Variants in TFDP2 observed in about 807,000 individuals in gnomAD.
TFDP2 encodes transcription factor Dp-2, also known as transcription factor Dp-2 (E2F dimerization partner 2).
A neutral mutation model predicts 59.3 loss-of-function variants in TFDP2; 17 were observed. That is an observed-to-expected ratio of 0.29 (90% CI 0.20 to 0.43). The LOEUF is 0.43. Among genes scored for constraint, TFDP2 ranks in the 20% least tolerant of loss-of-function variants. The pLI is 1.00. For synonymous variants in TFDP2, 180 were observed against 194.7 expected, an observed-to-expected ratio of 0.92 and a Z score of 0.63; for missense variants, 391 against 528.8, an observed-to-expected ratio of 0.74 and a Z score of 2.56.
intron 2 of TFDP2, among the ~76,000 whole-genome samples, chr3:142,095,851 C>T (rs970479090): frequency 6.6e-6 from 1 of 152,178 alleles, no homozygotes; most frequent in African/African-American, 2.4e-5. Context: ...AAGGCAAAGA[C>T]AGCCTTTAAT....
intron 1 of TFDP2, among the ~76,000 whole-genome samples, chr3:142,135,887 T>C (rs536927710): frequency 2.6e-5 from 4 of 152,162 alleles, no homozygotes; most frequent in South Asian, 2.1e-4. Flanking sequence ...GTCTTTATAG[T>C]AGCATGATTT....
At chr3:142,102,572 T>C (rs1178775701) in intron 1 of TFDP2, among the ~76,000 whole-genome samples, 4 of 152,310 alleles carry the variant, frequency 2.6e-5, no homozygotes, top group African/African-American at 9.6e-5. Context: ...ACAGTAAAAC[T>C]AGTCAGTGAA....
In TFDP2 at chr3:142,121,441, T is replaced by C. The variant is rs2108696717; in HGVS notation, c.-92-19600A>G. 6.6e-6 allele frequency among the ~76,000 whole-genome samples: 1 copy of C among 152,312 alleles called. No homozygotes were observed. Among genetic ancestry groups the C allele is most frequent in the East Asian group, 1.9e-4 (1 of 5,188 alleles). ...TTCAGCTAAAGGGTGGGAATCAGGT[T>C]CTAACTCGAGTTAAATTAGTAATAG... On this transcript the variant is annotated intron_variant, in intron 1 of 12. Coordinates refer to ENST00000489671, the MANE Select transcript of TFDP2 (RefSeq NM_001178139.2). The surrounding 1 kb of genome is among the most constrained non-coding windows in gnomAD (Gnocchi z 4.3).
chr3:141,971,657 C>T (rs1002170204), intron 8 of TFDP2, among the ~76,000 whole-genome samples: 1 of 152,114 alleles, frequency 6.6e-6, no homozygotes, highest in Non-Finnish European at 1.5e-5. Flanking sequence ...GAAATGCCAC[C>T]AGGCCAAAAC....
At chr3:141,979,050 T>C (rs1281045907) in intron 6 of TFDP2, among the ~76,000 whole-genome samples, 5 of 152,214 alleles carry the variant, frequency 3.3e-5, no homozygotes, top group African/African-American at 1.2e-4. Flanking sequence ...ATTATAGTTT[T>C]TTACTGAAAT....
intron 1 of TFDP2, among the ~76,000 whole-genome samples, chr3:142,141,565 T>C (rs2062965846): frequency 6.6e-6 from 1 of 152,108 alleles, no homozygotes; most frequent in Non-Finnish European, 1.5e-5. Context: ...TGGGTTAAGT[T>C]TGTAATCCAG....
chr3:141,966,302 A>G (rs1938053838), intron 9 of TFDP2, among the ~76,000 whole-genome samples: 1 of 151,744 alleles, frequency 6.6e-6, no homozygotes, highest in Non-Finnish European at 1.5e-5. Flanking sequence ...CCTCCCGAGT[A>G]GCCGGGACTA....
At chr3:141,995,893 A>G (rs893937895) in intron 4 of TFDP2, among the ~76,000 whole-genome samples, 1 of 149,840 alleles carries the variant, frequency 6.7e-6, no homozygotes, top group Admixed American at 6.6e-5. Flanking sequence ...CAAAAAAAAA[A>G]AAAAAAAAAA....
intron 11 of TFDP2, among the ~76,000 whole-genome samples, chr3:141,958,907 T>C (rs927770246): frequency 6.6e-6 from 1 of 151,726 alleles, no homozygotes; most frequent in Non-Finnish European, 1.5e-5. Flanking sequence ...AGATAATAGA[T>C]ATACTAAATT....
intron 2 of TFDP2, among the ~76,000 whole-genome samples, chr3:142,094,950 C>G (rs955394656): frequency 6.6e-6 from 1 of 152,142 alleles, no homozygotes; most frequent in African/African-American, 2.4e-5. Context: ...AACTTTATAA[C>G]TATCCACTTA....
intron 1 of TFDP2, among the ~76,000 whole-genome samples, chr3:142,107,423 G>A (rs1426324333): frequency 1.3e-5 from 2 of 151,730 alleles, no homozygotes; most frequent in African/African-American, 4.8e-5. Context: ...TAGTAGAGAC[G>A]GGGTTTTACC....
At chr3:142,085,421 A>T (rs2060780440) in intron 3 of TFDP2, among the ~76,000 whole-genome samples, 1 of 150,044 alleles carries the variant, frequency 6.7e-6, no homozygotes, top group South Asian at 2.1e-4. Context: ...AAAAAATTTT[A>T]AAAATTTTTA....
chr3:142,058,705 G>C (rs929845569), intron 3 of TFDP2, among the ~76,000 whole-genome samples: 4 of 152,124 alleles, frequency 2.6e-5, no homozygotes, highest in Admixed American at 2.0e-4. Flanking sequence ...GCAGGGGTAG[G>C]GGGTGGGTGC....
At chr3:142,039,057 T>G (rs539928132) in intron 3 of TFDP2, among the ~76,000 whole-genome samples, 1 of 152,212 alleles carries the variant, frequency 6.6e-6, no homozygotes, top group African/African-American at 2.4e-5. Context: ...TGTATTATTC[T>G]GAGTTCCCAT....
chr3:142,008,698 C>T (rs1379086036), intron 3 of TFDP2, among the ~76,000 whole-genome samples: 2 of 151,892 alleles, frequency 1.3e-5, no homozygotes, highest in South Asian at 2.1e-4. Context: ...CATACATATA[C>T]GTATGTACAT....
intron 11 of TFDP2, among the ~76,000 whole-genome samples, chr3:141,956,424 C>T (rs2861420): frequency 0.075 from 11,390 of 151,864 alleles, 572 homozygotes; most frequent in African/African-American, 0.14. Context: ...TGGTGGTGGG[C>T]GCCTGTAATT....
chr3:141,956,876 G>C (rs942351137), intron 11 of TFDP2, among the ~76,000 whole-genome samples: 4 of 151,304 alleles, frequency 2.6e-5, no homozygotes, highest in Non-Finnish European at 5.9e-5. Flanking sequence ...AGTGAGCAGA[G>C]ATTGCGCCAC....
At chr3:142,070,544 T>C (rs1296303416) in intron 3 of TFDP2, among the ~76,000 whole-genome samples, 1 of 151,636 alleles carries the variant, frequency 6.6e-6, no homozygotes, top group Non-Finnish European at 1.5e-5. Context: ...CTTCATTAAG[T>C]GCTGGGACTA....
intron 9 of TFDP2, among the ~76,000 whole-genome samples, chr3:141,967,783 T>TA (rs1016009780): frequency 2.0e-5 from 3 of 151,794 alleles, no homozygotes; most frequent in African/African-American, 2.4e-5. Flanking sequence ...CTTTAAAAAA[T>TA]AAAAAAACAA....
Sources: allele counts gnomAD v4.1 joint callset (sites outside exome capture counted in the v4.1 genomes callset), GRCh38; gene constraint gnomAD v4.1.1; non-coding constraint Gnocchi (gnomAD v3.1); transcripts MANE v1.5; gene names NCBI Gene and HGNC (gene_info 2026-07-23, HGNC 2026-07-21).